Variants in TTC21A observed in about 807,000 individuals in gnomAD.
TTC21A encodes tetratricopeptide repeat domain 21A, also known as tetratricopeptide repeat protein 21A.
A neutral mutation model predicts 156.4 loss-of-function variants in TTC21A; 128 were observed. The ratio of observed to expected loss-of-function variants is 0.82; its 90% CI spans 0.71 to 0.95. TTC21A has a LOEUF of 0.95. TTC21A is among the 40% of genes least tolerant of loss of function. The pLI is 0.00. For synonymous variants in TTC21A, 587 were observed against 617.1 expected (o/e 0.95, Z 0.72); for missense variants, 1,435 against 1,602.3 (o/e 0.90, Z 1.78).
Position 39,136,442 on chromosome 3 carries a change from C to G in TTC21A, c.3030C>G (p.Ala1010=), listed in dbSNP as rs2039120273. Residue 1010 remains alanine, a synonymous_variant, in exon 23 of 29, where the codon GCC becomes GCG. Coordinates refer to ENST00000683103, the MANE Select transcript of TTC21A (RefSeq NM_001366900.1). ...LEDIPAFFEL[A]KKVSSRVPLE... is the part of the protein sequence containing the mutation. ...ACATTCCTGCCTTCTTTGAATTGGC[C>G]AAGAAGGTGTCTAGCCGGGTGCCTT... 1 of 1,614,202 alleles carries G rather than the reference C, an allele frequency of 6.2e-7. No homozygotes were observed. The highest frequency in any genetic ancestry group is 8.5e-7 in the Non-Finnish European group (1 of 1,180,032).
chr3:39,129,161 G>C lies in TTC21A; in HGVS notation c.1986G>C (p.Leu662Phe). The C allele has an allele frequency of 6.2e-7, 1 of 1,614,232 alleles. No individual in the cohort carries two copies. The highest frequency in any genetic ancestry group is 8.5e-7 in the Non-Finnish European group (1 of 1,180,046). ...GCATCACCATTGCCAACGTGGACTTGGTCCTGAGCAAGGGCAATGTGGACG... is the reference window on the plus strand; with the variant it reads ...GCATCACCATTGCCAACGTGGACTTCGTCCTGAGCAAGGGCAATGTGGACG... ...ENRITIANVD[L>F]VLSKGNVDVA... Residue 662 changes from leucine (L) to phenylalanine (F), a missense_variant, in exon 15 of 29, where the codon TTG becomes TTC. By Grantham distance (22) the Leu-to-Phe change is conservative. Coordinates refer to ENST00000683103, the MANE Select transcript of TTC21A (RefSeq NM_001366900.1).
chr3:39,138,422 G>T, intron 27 of TTC21A, 35 bp downstream of exon 27: 1 of 1,613,666 alleles, frequency 6.2e-7, no homozygotes, highest in Non-Finnish European at 8.5e-7. Context: ...GTGAATGGAC[G>T]TGGGAGGGAG....
chr3:39,114,105 C>CA (rs199734074), intron 5 of TTC21A, among the ~76,000 whole-genome samples: 23 of 151,696 alleles, frequency 1.5e-4, no homozygotes, highest in African/African-American at 2.2e-4. Context: ...AGAACAACAA[C>CA]AAAAAAAACG....
rs763036305 is a variant in TTC21A, at chr3:39,130,973, T to C, written c.2459-19T>C. 1.2e-6 allele frequency: 2 copies of C among 1,611,640 alleles called. No homozygotes were observed. Among genetic ancestry groups the C allele is most frequent in the South Asian group, 2.2e-5 (2 of 90,758 alleles). On this transcript the variant is annotated intron_variant, in intron 18 of 28. Coordinates refer to ENST00000683103, the MANE Select transcript of TTC21A (RefSeq NM_001366900.1). The surrounding 1 kb of genome is among the most constrained non-coding windows in gnomAD (Gnocchi z 4.5). ...CAGGAGCCAGTGAACTAACACTAATTTGAGTTTCCATTTAACAGTCCAAGA... is the reference window on the plus strand; with the variant it reads ...CAGGAGCCAGTGAACTAACACTAATCTGAGTTTCCATTTAACAGTCCAAGA...
chr3:39,129,401 T>A, intron 15 of TTC21A, 91 bp downstream of exon 15: 1 of 960,770 alleles, frequency 1.0e-6, no homozygotes, highest in Non-Finnish European at 1.7e-6. Flanking sequence ...AACCTGGGTC[T>A]CCAGAATGTG....
At chr3:39,113,250 T>TGGG in intron 5 of TTC21A, among the ~76,000 whole-genome samples, 1 of 152,214 alleles carries the variant, frequency 6.6e-6, no homozygotes. Context: ...CTAGTCTTCT[T>TGGG]TCTATACTTG....
In TTC21A at chr3:39,128,615, T is replaced by G. The variant is rs2038462078; in HGVS notation, c.1681-102T>G. Reference sequence around the variant, plus strand: ...CTTTCTGCTCGTCCAAAGGCAGGGGTAGGCTCAGTGGGCTCCTGAGGCTTT... The same window carrying G: ...CTTTCTGCTCGTCCAAAGGCAGGGGGAGGCTCAGTGGGCTCCTGAGGCTTT... On this transcript the variant is annotated intron_variant, in intron 13 of 28. Coordinates refer to ENST00000683103, the MANE Select transcript of TTC21A (RefSeq NM_001366900.1). 4.5e-6 allele frequency: 7 copies of G among 1,556,664 alleles called. No individual in the cohort carries two copies. In the East Asian group the frequency reaches 1.3e-4, roughly 30 times the overall value.
rs199855595 is a variant in TTC21A, at chr3:39,126,324, G to A, written c.1456G>A (p.Val486Ile). 532 of 1,613,962 alleles carry A rather than the reference G, an allele frequency of 3.3e-4. No individual in the cohort carries two copies. The highest frequency in any genetic ancestry group is 4.2e-4 in the Non-Finnish European group (495 of 1,180,020). Reference sequence around the variant, plus strand: ...ACAAGTCGCCGTGATCTTGAATCCTGTAGTCAAAGCAGCACCAGCTCTGAT... The same window carrying A: ...ACAAGTCGCCGTGATCTTGAATCCTATAGTCAAAGCAGCACCAGCTCTGAT... ...LKQVAVILNP[V>I]VKAAPALIDP... is the part of the protein sequence containing the mutation. Residue 486 changes from valine (V) to isoleucine (I), a missense_variant, in exon 12 of 29, where the codon GTA becomes ATA. Physicochemically the swap from Val to Ile is conservative, Grantham distance 29. Transcript: ENST00000683103.
chr3:39,134,123 A>G lies in TTC21A; in HGVS notation c.2752-95A>G. 3 of 781,304 alleles carry G rather than the reference A, an allele frequency of 3.8e-6. No individual in the cohort carries two copies. The highest frequency in any genetic ancestry group is 6.8e-6 in the Non-Finnish European group (3 of 438,384). 48.4% of individuals were successfully genotyped at this position (781,304 alleles called of 1,614,324 possible). A position where few individuals can be genotyped will look rare whatever the true frequency, so the allele number is the denominator to read the frequency against. ...GACATATTTTGAAGGCAGAGCTGAT[A>G]GAAGTGGGGTGTGAGGGAAAGAGCT... On this transcript the variant is annotated intron_variant, in intron 20 of 28. Transcript: ENST00000683103. The surrounding 1 kb of genome is among the most constrained non-coding windows in gnomAD (Gnocchi z 4.6).
chr3:39,137,657 A>G lies in TTC21A; in HGVS notation c.3622A>G (p.Ser1208Gly), dbSNP rs1275769784. The G allele has an allele frequency of 5.0e-6, 8 of 1,614,028 alleles. No homozygotes were observed. The highest frequency in any genetic ancestry group is 6.8e-6 in the Non-Finnish European group (8 of 1,180,020). The change falls in exon 26 of 29, where the codon AGC becomes GGC. Residue 1208 changes from serine to glycine, a missense_variant. Transcript: ENST00000683103. The stretch of plus-strand genomic sequence containing the variant: ...GCTGGCTGACATTTACTGCCAGGGC[A>G]GCAAGTTCGACCTCGCCTTAGAACT... ...LLLADIYCQG[S>G]KFDLALELLR...
chr3:39,110,834 C>T lies in TTC21A; in HGVS notation c.269-17C>T, dbSNP rs1341711085. 1.2e-5 allele frequency: 19 copies of T among 1,613,284 alleles called. No homozygotes were observed. The highest frequency in any genetic ancestry group is 1.5e-5 in the Non-Finnish European group (18 of 1,179,888). On this transcript the variant is annotated splice_polypyrimidine_tract_variant and intron_variant, in intron 3 of 28. Coordinates refer to ENST00000683103, the MANE Select transcript of TTC21A (RefSeq NM_001366900.1). ...CACATCCTAACTCTCCCTCTTCCTT[C>T]GCTCTTGGATTTACAGACCGAGAAG...
rs1247714515 is a variant in TTC21A, at chr3:39,114,650, G to A, written c.624G>A (p.Val208=). 1.2e-6 allele frequency: 2 copies of A among 1,614,180 alleles called. No homozygotes were observed. The highest frequency in any genetic ancestry group is 2.2e-5 in the East Asian group (1 of 44,884). ...EALEVVNQIT[V]TSGSFLPALV... ...TGGAGGTGGTGAACCAGATCACTGT[G>A]ACTTCAGGGAGCTTCCTGCCAGCCC... The change falls in exon 6 of 29, where the codon GTG becomes GTA. Residue 208 remains valine (V), a synonymous_variant. Coordinates refer to ENST00000683103, the MANE Select transcript of TTC21A (RefSeq NM_001366900.1).
At position 39,110,157 on chromosome 3, in the gene TTC21A, C is replaced by T; in HGVS notation, c.268+18C>T. The T allele has an allele frequency of 6.3e-7, 1 of 1,586,134 alleles. No homozygotes were observed. Among genetic ancestry groups the T allele is most frequent in the Non-Finnish European group, 8.7e-7 (1 of 1,155,244 alleles). ...AATCATTGGTGAGTGCCACCATGCT[C>T]AACCAGGCCTGACCCACCAGGGGAA... On this transcript the variant is annotated intron_variant, in intron 3 of 28. Coordinates refer to ENST00000683103, the MANE Select transcript of TTC21A (RefSeq NM_001366900.1).
chr3:39,137,750 A>G (rs556761255), intron 26 of TTC21A, 40 bp downstream of exon 26: 1 of 1,568,676 alleles, frequency 6.4e-7, no homozygotes, highest in Admixed American at 1.8e-5. Flanking sequence ...GGGATGGCGG[A>G]AAGGATTCTA....
Position 39,134,415 on chromosome 3 carries a change from CG to C in TTC21A, c.2862+88del, listed in dbSNP as rs1369843943. ...CCAGATGCAGGCTACTTCCTAGCCC[CG>C]TAACCTCAGATGCCTCACTGACACA... On this transcript the variant is annotated intron_variant, in intron 21 of 28. Transcript: ENST00000683103. The surrounding 1 kb of genome is among the most constrained non-coding windows in gnomAD (Gnocchi z 4.6). The C allele has an allele frequency of 1.1e-6, 1 of 950,466 alleles. No homozygotes were observed. Among genetic ancestry groups the C allele is most frequent in the Non-Finnish European group, 1.7e-6 (1 of 576,292 alleles). The allele number at this position is 950,466 out of a possible 1,614,324, so 58.9% of individuals were successfully genotyped here.
intron 5 of TTC21A, 23 bp from the exon 6 acceptor site, chr3:39,114,562 C>A (rs1035995005): frequency 6.2e-7 from 1 of 1,613,124 alleles, no homozygotes; most frequent in Non-Finnish European, 8.5e-7. Flanking sequence ...TTCACGGAGG[C>A]TCTTCTGTCT....
intron 3 of TTC21A, 56 bp from the exon 4 acceptor site, chr3:39,110,795 A>G: frequency 6.2e-7 from 1 of 1,606,512 alleles, no homozygotes; most frequent in Non-Finnish European, 8.5e-7. Flanking sequence ...CCCATGCAGA[A>G]CCAGGCAGAC....
rs759599806 is a variant in TTC21A at position 39,125,439 on chromosome 3, A to G, written c.1299A>G (p.Gln433=). The G allele has an allele frequency of 1.2e-6, 2 of 1,614,040 alleles. No individual in the cohort carries two copies. The highest frequency in any genetic ancestry group is 1.7e-6 in the Non-Finnish European group (2 of 1,179,906). ...EAVELHFSSM[Q]GIPLGSEYFE... ...TGGAGCTTCACTTCTCCAGCATGCA[A>G]GGCATCCCTCTTGGCTCTGAGTACT... Residue 433 remains glutamine, a synonymous_variant, in exon 11 of 29, where the codon CAA becomes CAG. Transcript: ENST00000683103.
chr3:39,126,217 A>T, intron 11 of TTC21A, 44 bp from the exon 12 acceptor site: 1 of 1,612,484 alleles, frequency 6.2e-7, no homozygotes, highest in Non-Finnish European at 8.5e-7. Flanking sequence ...TCTCTCTTAG[A>T]ATAGGGCAAA....
Sources: gnomAD v4.1 joint callset for allele counts (sites outside exome capture counted in the v4.1 genomes callset) on GRCh38, gnomAD v4.1.1 for gene constraint, Gnocchi (gnomAD v3.1) non-coding constraint, MANE v1.5 for transcripts, NCBI Gene and HGNC (gene_info 2026-07-23, HGNC 2026-07-21) for gene names.